ARHGAP22: variants seen among roughly 807,000 people sequenced by gnomAD.
ARHGAP22 encodes the protein rho GTPase-activating protein 22.
ARHGAP22 carries 48 observed loss-of-function variants against 59.1 expected under a neutral mutation model. The ratio of observed to expected loss-of-function variants is 0.81; its 90% confidence interval spans 0.64 to 1.03. The LOEUF (loss-of-function observed/expected upper bound fraction) is 1.03, where lower values mean the gene tolerates loss of function less well. Among genes scored for constraint, ARHGAP22 ranks in the 50% least tolerant of loss-of-function variants. The pLI is 0.00. For synonymous variants in ARHGAP22, 445 were observed against 416.4 expected (o/e 1.07, Z -0.84); for missense variants, 1,015 against 958.7 (o/e 1.06, Z -0.78).
chr10:48,566,651 T>C (rs1429422999), intron 2 of ARHGAP22, among the ~76,000 whole-genome samples: 1 of 152,222 alleles, frequency 6.6e-6, no homozygotes, highest in African/African-American at 2.4e-5. Context: ...TCCACAGGTC[T>C]GCAGTCAGCA....
intron 1 of ARHGAP22, among the ~76,000 whole-genome samples, chr10:48,633,957 T>C (rs908916871): frequency 1.3e-5 from 2 of 152,202 alleles, no homozygotes; most frequent in African/African-American, 4.8e-5. Flanking sequence ...GTTGACACCA[T>C]GGGCATCTAT....
intron 1 of ARHGAP22, among the ~76,000 whole-genome samples, chr10:48,628,120 C>T (rs549130077): frequency 6.6e-6 from 1 of 152,226 alleles, no homozygotes; most frequent in Non-Finnish European, 1.5e-5. Flanking sequence ...TGGGAGTCCT[C>T]AGGGTGTCTG....
intron 2 of ARHGAP22, among the ~76,000 whole-genome samples, chr10:48,571,238 C>T (rs901626195): frequency 6.6e-6 from 1 of 152,162 alleles, no homozygotes; most frequent in Non-Finnish European, 1.5e-5. Context: ...TAGACCACTC[C>T]ATCAGAATGA....
chr10:48,523,634 G>T (rs1334167750), intron 3 of ARHGAP22, among the ~76,000 whole-genome samples: 1 of 152,094 alleles, frequency 6.6e-6, no homozygotes, highest in Non-Finnish European at 1.5e-5. Flanking sequence ...CCGCAGGGGC[G>T]GCGCAGGGCG....
chr10:48,511,987 G>A (rs1380683083), intron 3 of ARHGAP22, among the ~76,000 whole-genome samples: 5 of 152,252 alleles, frequency 3.3e-5, no homozygotes, highest in Non-Finnish European at 4.4e-5. Flanking sequence ...GGGCAGGGAG[G>A]AGGCTGCTCC....
chr10:48,539,291 A>ATTTTTT lies in ARHGAP22; in HGVS notation c.322+16166_322+16171dup, dbSNP rs56801787. 7.9e-4 allele frequency among the ~76,000 whole-genome samples: 107 copies of ATTTTTT among 136,278 alleles called. 1 individual carries two copies. Among genetic ancestry groups the ATTTTTT allele is most frequent in the African/African-American group, 2.8e-3 (99 of 35,260 alleles). 89.4% of individuals were successfully genotyped at this position (136,278 alleles called of 152,430 possible). On this transcript the variant is annotated intron_variant, in intron 3 of 9. Transcript: ENST00000249601. ...TAACAATTAGTATGAGAAGGGTAAC[A>ATTTTTT]TTTTTTTTTTTTTTTTTTGAGACGG...
At chr10:48,604,557 T>A (rs1201880619) in intron 1 of ARHGAP22, among the ~76,000 whole-genome samples, 1 of 152,216 alleles carries the variant, frequency 6.6e-6, no homozygotes, top group Non-Finnish European at 1.5e-5. Flanking sequence ...GCCACCGCCC[T>A]TTTGCAACTT....
intron 3 of ARHGAP22, among the ~76,000 whole-genome samples, chr10:48,536,683 A>G (rs534392822): frequency 4.6e-5 from 7 of 152,338 alleles, no homozygotes; most frequent in Admixed American, 3.9e-4. Flanking sequence ...TTTGTCTGGA[A>G]TTTTTAAGAA....
Position 48,446,540 on chromosome 10 carries a change from T to C in ARHGAP22, c.1948A>G (p.Ile650Val), listed in dbSNP as rs1589379964. ...EELDQEKKKY[I>V]MLEIKLRNSE... ...TTCCGCAGCTTTATTTCCAGCATGATGTATTTTTTCTTTTCCTGGTCCAGT... is the reference window on the plus strand; with the variant it reads ...TTCCGCAGCTTTATTTCCAGCATGACGTATTTTTTCTTTTCCTGGTCCAGT... The change falls in exon 10 of 10, where the codon ATC becomes GTC. Residue 650 changes from isoleucine (I) to valine (V), a missense_variant. Transcript: ENST00000249601. The C allele has an allele frequency of 4.3e-6, 7 of 1,614,242 alleles. No homozygotes were observed. Among genetic ancestry groups the C allele is most frequent in the East Asian group, 2.2e-5 (1 of 44,890 alleles).
chr10:48,571,216 G>T (rs910734073), intron 2 of ARHGAP22, among the ~76,000 whole-genome samples: 1 of 152,118 alleles, frequency 6.6e-6, no homozygotes, highest in Non-Finnish European at 1.5e-5. Flanking sequence ...ACTGGAGCCC[G>T]CTACCACCCA....
intron 1 of ARHGAP22, among the ~76,000 whole-genome samples, chr10:48,636,593 C>T (rs1194232490): frequency 6.6e-6 from 1 of 152,222 alleles, no homozygotes; most frequent in Non-Finnish European, 1.5e-5. Context: ...CTTTTGCAGA[C>T]CACGATCTCC....
chr10:48,520,061 C>T (rs1457679899), intron 3 of ARHGAP22, among the ~76,000 whole-genome samples: 9 of 152,172 alleles, frequency 5.9e-5, no homozygotes, highest in Non-Finnish European at 7.3e-5. Flanking sequence ...CAGGAGCCAT[C>T]AGCCATTGGT....
At chr10:48,516,058 GA>G (rs1216649466) in intron 3 of ARHGAP22, among the ~76,000 whole-genome samples, 1 of 150,214 alleles carries the variant, frequency 6.7e-6, no homozygotes, top group Admixed American at 6.6e-5. Flanking sequence ...AAAACAATAG[GA>G]AAAATTTAAA....
chr10:48,599,860 C>A (rs1285234805), intron 1 of ARHGAP22, among the ~76,000 whole-genome samples: 1 of 152,132 alleles, frequency 6.6e-6, no homozygotes, highest in Non-Finnish European at 1.5e-5. Flanking sequence ...TGCGTACCTG[C>A]CATGGAGACA....
At chr10:48,589,005 C>G (rs1331916371) in intron 1 of ARHGAP22, among the ~76,000 whole-genome samples, 2 of 152,194 alleles carry the variant, frequency 1.3e-5, no homozygotes, top group Non-Finnish European at 2.9e-5. Context: ...CTGGCACTTG[C>G]AATCTTTTGG....
intron 4 of ARHGAP22, among the ~76,000 whole-genome samples, chr10:48,470,729 C>A (rs1363989593): frequency 6.6e-6 from 1 of 152,222 alleles, no homozygotes; most frequent in Non-Finnish European, 1.5e-5. Context: ...CTGCAAGAGT[C>A]CTTTCTCTCC....
At chr10:48,566,071 A>G (rs373201354) in intron 2 of ARHGAP22, among the ~76,000 whole-genome samples, 4 of 152,222 alleles carry the variant, frequency 2.6e-5, no homozygotes, top group African/African-American at 9.6e-5. Context: ...AGCTCTTTTC[A>G]ACATGATCAA....
At chr10:48,468,972 C>T (rs1300489335) in intron 4 of ARHGAP22, among the ~76,000 whole-genome samples, 2 of 152,172 alleles carry the variant, frequency 1.3e-5, no homozygotes, top group Admixed American at 6.5e-5. Context: ...GGCCCAGGGA[C>T]CTGCCAGCTC....
At chr10:48,436,610 A>G in the ARHGAP22 span, 2 of 152,222 alleles carry the variant, frequency 1.3e-5, no homozygotes, top group African/African-American at 4.8e-5. Context: ...TCAACATGCA[A>G]TGTCTGAAAA....
Sources: gnomAD v4.1 joint callset for allele counts (sites outside exome capture counted in the v4.1 genomes callset) on GRCh38, gnomAD v4.1.1 for gene constraint, MANE v1.5 for transcripts, NCBI Gene and HGNC (gene_info 2026-07-23, HGNC 2026-07-21) for gene names.